The following MAGI2 variants were observed in gnomAD, a reference collection of about 807,000 sequenced individuals.
The protein encoded by MAGI2 is membrane-associated guanylate kinase, WW and PDZ domain-containing protein 2.
MAGI2 carries 35 observed loss-of-function variants against 133.3 expected under a neutral mutation model. The ratio of observed to expected loss-of-function variants is 0.26; its 90% CI spans 0.20 to 0.35. The LOEUF (loss-of-function observed/expected upper bound fraction) is 0.35, where lower values mean the gene tolerates loss of function less well. Ranked by LOEUF, MAGI2 falls within the 10% of genes least tolerant of loss-of-function variation. The probability of loss-of-function intolerance (pLI) is 1.00; values close to 1 mark genes in which losing one functional copy is unlikely to be tolerated. For missense variants in MAGI2, 1,636 were observed against 1,863.4 expected (o/e 0.88, Z 2.25); for synonymous variants, 729 against 710.6 (o/e 1.03, Z -0.41).
chr7:79,022,508 A>C (rs1809437970), intron 1 of MAGI2, among the ~76,000 whole-genome samples: 1 of 152,062 alleles, frequency 6.6e-6, no homozygotes, highest in African/African-American at 2.4e-5. Context: ...CTAGCAGGAG[A>C]CAAGAAATAA....
intron 6 of MAGI2, among the ~76,000 whole-genome samples, chr7:78,456,417 A>G (rs1789326844): frequency 6.6e-6 from 1 of 152,154 alleles, no homozygotes; most frequent in Admixed American, 6.6e-5. Context: ...GGCATTTTTC[A>G]GGGACTTTTG....
At chr7:79,396,252 G>A (rs1295147397) in intron 1 of MAGI2, among the ~76,000 whole-genome samples, 3 of 152,008 alleles carry the variant, frequency 2.0e-5, no homozygotes, top group Non-Finnish European at 4.4e-5. Context: ...ATGCTCTGAC[G>A]GCATGCCTGT....
At chr7:78,480,902 T>A (rs1297788593) in intron 6 of MAGI2, among the ~76,000 whole-genome samples, 1 of 151,878 alleles carries the variant, frequency 6.6e-6, no homozygotes, top group Non-Finnish European at 1.5e-5. Flanking sequence ...GAAATGCTGA[T>A]GAAAGAACTC....
intron 2 of MAGI2, among the ~76,000 whole-genome samples, chr7:78,839,665 C>T (rs891554330): frequency 3.3e-5 from 5 of 152,004 alleles, no homozygotes; most frequent in African/African-American, 4.8e-5. Context: ...CATCAGATCT[C>T]GTGAGAACTC....
At chr7:79,016,717 T>C (rs1009495686) in intron 1 of MAGI2, among the ~76,000 whole-genome samples, 4 of 152,124 alleles carry the variant, frequency 2.6e-5, no homozygotes, top group African/African-American at 9.7e-5. Context: ...CCCCCAACAG[T>C]GCTGCCATTG....
intron 6 of MAGI2, among the ~76,000 whole-genome samples, chr7:78,487,987 C>A (rs114035982): frequency 6.6e-6 from 1 of 151,982 alleles, no homozygotes; most frequent in Non-Finnish European, 1.5e-5. Context: ...CCTAAAAGCA[C>A]TTTTCTTGGC....
chr7:78,022,095 T>C (rs543178466), intron 21 of MAGI2, among the ~76,000 whole-genome samples: 2 of 152,324 alleles, frequency 1.3e-5, no homozygotes, highest in East Asian at 3.9e-4. Flanking sequence ...TTGGTTACCT[T>C]AAGGAATAGT....
chr7:79,056,567 G>A (rs1390022256), intron 1 of MAGI2, among the ~76,000 whole-genome samples: 3 of 152,128 alleles, frequency 2.0e-5, no homozygotes, highest in Admixed American at 2.0e-4. Context: ...GAGTATCACA[G>A]AGATAAAAAG....
intron 2 of MAGI2, among the ~76,000 whole-genome samples, chr7:78,849,599 A>G (rs562341472): frequency 2.8e-4 from 42 of 152,198 alleles, no homozygotes; most frequent in Non-Finnish European, 1.5e-5. Flanking sequence ...TTGAGAAACC[A>G]GGTGTGTCAT....
intron 1 of MAGI2, among the ~76,000 whole-genome samples, chr7:79,118,837 T>TTA (rs534601801): frequency 9.5e-4 from 145 of 152,228 alleles, no homozygotes; most frequent in African/African-American, 3.1e-3. Context: ...CATTGCTTCT[T>TTA]TATATATATC....
chr7:78,458,072 CA>C (rs2151500204), intron 6 of MAGI2, among the ~76,000 whole-genome samples: 1 of 151,970 alleles, frequency 6.6e-6, no homozygotes, highest in African/African-American at 2.4e-5. Context: ...CTAAGGCGGG[CA>C]GATCATGAGG....
rs1563180784 is a variant in MAGI2 at position 79,391,564 on chromosome 7, C to CATATATATATATATATATATATATATAT, written c.301+61455_301+61456insATATATATATATATATATATATATATAT. On this transcript the variant is annotated intron_variant, in intron 1 of 21. Coordinates refer to ENST00000354212, the MANE Select transcript of MAGI2 (RefSeq NM_012301.4). ...ACATATATATATATATATATATATA[C>CATATATATATATATATATATATATATAT]ACACTTTACTGTAAGTTCCAGGCTA... Among the ~76,000 whole-genome samples, 11 of 49,508 alleles carry CATATATATATATATATATATATATATAT rather than the reference C, an allele frequency of 2.2e-4. 1 individual carries two copies. Among genetic ancestry groups the CATATATATATATATATATATATATATAT allele is most frequent in the East Asian group, 2.1e-3 (4 of 1,916 alleles). 32.5% of individuals were successfully genotyped at this position (49,508 alleles called of 152,430 possible).
intron 3 of MAGI2, among the ~76,000 whole-genome samples, chr7:78,554,895 G>A (rs1214413079): frequency 6.6e-6 from 1 of 152,054 alleles, no homozygotes; most frequent in African/African-American, 2.4e-5. Flanking sequence ...CCAGCACTTT[G>A]GGAAGCTGCG....
At chr7:79,335,310 A>G (rs1304699745) in intron 1 of MAGI2, among the ~76,000 whole-genome samples, 1 of 152,144 alleles carries the variant, frequency 6.6e-6, no homozygotes, top group Non-Finnish European at 1.5e-5. Flanking sequence ...ACAGTGCTTG[A>G]GTGAACATCA....
At chr7:79,242,673 A>T (rs1199238859) in intron 1 of MAGI2, among the ~76,000 whole-genome samples, 17 of 152,180 alleles carry the variant, frequency 1.1e-4, no homozygotes, top group Non-Finnish European at 7.4e-5. Context: ...TATATTAGTC[A>T]TGGTTTCCAT....
At chr7:78,697,228 A>C (rs1817615095) in intron 2 of MAGI2, among the ~76,000 whole-genome samples, 1 of 151,990 alleles carries the variant, frequency 6.6e-6, no homozygotes, top group Non-Finnish European at 1.5e-5. Flanking sequence ...CACTGAGTTG[A>C]TTCTCCGCAG....
chr7:79,070,837 A>C (rs1222277815), intron 1 of MAGI2, among the ~76,000 whole-genome samples: 1 of 152,150 alleles, frequency 6.6e-6, no homozygotes, highest in Non-Finnish European at 1.5e-5. Context: ...TCTAGTTAGC[A>C]ATCGTCTAAC....
At chr7:78,248,542 G>A (rs564403650) in intron 10 of MAGI2, among the ~76,000 whole-genome samples, 46 of 152,184 alleles carry the variant, frequency 3.0e-4, no homozygotes, top group Non-Finnish European at 3.1e-4. Context: ...TTAACCTTAA[G>A]GACACACAGA....
intron 2 of MAGI2, 123 bp from the exon 3 acceptor site, chr7:78,627,362 T>G (rs1808480240): frequency 3.4e-6 from 3 of 881,230 alleles, no homozygotes; most frequent in African/African-American, 3.5e-5. Flanking sequence ...AGTTGGCAGT[T>G]TGCATTTGTC....
Sources: allele counts gnomAD v4.1 joint callset (sites outside exome capture counted in the v4.1 genomes callset), GRCh38; gene constraint gnomAD v4.1.1; transcripts MANE v1.5; gene names NCBI Gene and HGNC (gene_info 2026-07-23, HGNC 2026-07-21).